AADACL2: variants seen among roughly 807,000 people sequenced by gnomAD.
AADACL2 encodes arylacetamide deacetylase-like 2.
Under a neutral mutation model 22.3 loss-of-function variants are expected in AADACL2, and 23 were observed. That is an observed-to-expected ratio of 1.03 (90% CI 0.74 to 1.46). The LOEUF (loss-of-function observed/expected upper bound fraction) is 1.46, where lower values mean the gene tolerates loss of function less well. AADACL2 is among the 40% of genes most tolerant of loss of function. AADACL2 has a pLI of 0.00. For synonymous variants in AADACL2, 177 were observed against 166.2 expected (o/e 1.07, Z -0.50); for missense variants, 472 against 482.9 (o/e 0.98, Z 0.21).
chr3:151,739,187 G>T (rs1179740842), intron 1 of AADACL2, among the ~76,000 whole-genome samples: 2 of 152,134 alleles, frequency 1.3e-5, no homozygotes, highest in African/African-American at 4.8e-5. Context: ...TTGTGTGGGG[G>T]TCCTTTTTGT....
intron 2 of AADACL2, among the ~76,000 whole-genome samples, chr3:151,741,904 C>T (rs1560282211): frequency 1.3e-5 from 2 of 152,108 alleles, no homozygotes; most frequent in African/African-American, 4.8e-5. Context: ...ATTTCTAAAA[C>T]TGTGAGAATT....
At chr3:151,753,936 A>T (rs1713775568) in intron 4 of AADACL2, among the ~76,000 whole-genome samples, 1 of 152,124 alleles carries the variant, frequency 6.6e-6, no homozygotes, top group African/African-American at 2.4e-5. Context: ...ATTCTCTAGG[A>T]AAGTGCCATG....
rs936315568 is a variant in AADACL2, at chr3:151,757,670, A to G, written c.*76A>G. ...ATTTTGTGGTTTTGGAGCAAAGAAC[A>G]ATGTCATTTGAGTTATCTAAATCTA... On this transcript the variant is annotated 3_prime_UTR_variant, in exon 5 of 5. Coordinates refer to ENST00000356517, the MANE Select transcript of AADACL2 (RefSeq NM_207365.4). The G allele has an allele frequency of 6.8e-7, 1 of 1,475,302 alleles. No homozygotes were observed. Among genetic ancestry groups the G allele is most frequent in the Non-Finnish European group, 9.1e-7 (1 of 1,099,444 alleles). 91.4% of individuals were successfully genotyped at this position (1,475,302 alleles called of 1,614,324 possible).
At chr3:151,741,391 G>C (rs1263609828) in intron 2 of AADACL2, among the ~76,000 whole-genome samples, 2 of 151,838 alleles carry the variant, frequency 1.3e-5, no homozygotes, top group Non-Finnish European at 2.9e-5. Context: ...ATAAAATCTC[G>C]GTTCCCTACT....
chr3:151,752,331 T>C (rs185927136), intron 4 of AADACL2, among the ~76,000 whole-genome samples: 1 of 152,330 alleles, frequency 6.6e-6, no homozygotes, highest in East Asian at 1.9e-4. Context: ...TATAAAAGGA[T>C]TTTCTCATGG....
rs1429993798 is a variant in AADACL2, at chr3:151,759,725, T to G, written c.*2131T>G. ...TTTCTGGAAGGAACCACAGGTAGACTAGCTTCCATTGCAGTCCCTTACCTC... is the reference window on the plus strand; with the variant it reads ...TTTCTGGAAGGAACCACAGGTAGACGAGCTTCCATTGCAGTCCCTTACCTC... On this transcript the variant is annotated 3_prime_UTR_variant, in exon 5 of 5. Coordinates refer to ENST00000356517, the MANE Select transcript of AADACL2 (RefSeq NM_207365.4). The G allele has an allele frequency of 2.0e-5, 3 of 152,164 alleles. No homozygotes were observed. The East Asian group carries it at 5.8e-4, about 29-fold the overall frequency. 9.4% of individuals were successfully genotyped at this position (152,164 alleles called of 1,614,324 possible).
At chr3:151,754,464 A>G (rs1713801133) in intron 4 of AADACL2, among the ~76,000 whole-genome samples, 1 of 152,202 alleles carries the variant, frequency 6.6e-6, no homozygotes, top group Non-Finnish European at 1.5e-5. Flanking sequence ...GGAGGGGCAG[A>G]GCAAATAATT....
At position 151,757,458 on chromosome 3, in the gene AADACL2, T is replaced by C; in HGVS notation, c.1070T>C (p.Val357Ala). Residue 357 changes from valine to alanine, a missense_variant, in exon 5 of 5, where the codon GTT becomes GCT. Coordinates refer to ENST00000356517, the MANE Select transcript of AADACL2 (RefSeq NM_207365.4). ...GLMYVTRLRNVGVQVVHEHIE... is the reference protein window; with the variant it reads ...GLMYVTRLRNAGVQVVHEHIE... ...ATGTATGTTACAAGACTTCGAAATG[T>C]TGGAGTCCAAGTTGTTCATGAACAT... is the stretch of plus-strand genomic sequence containing the variant. 2 of 1,613,640 alleles carry C rather than the reference T, an allele frequency of 1.2e-6. No homozygotes were observed. Among genetic ancestry groups the C allele is most frequent in the Non-Finnish European group, 1.7e-6 (2 of 1,179,638 alleles).
intron 1 of AADACL2, among the ~76,000 whole-genome samples, chr3:151,734,778 C>T (rs1284197855): frequency 6.6e-6 from 1 of 152,040 alleles, no homozygotes; most frequent in African/African-American, 2.4e-5. Context: ...TATGTACTTC[C>T]ATTGATTCCC....
rs1327701156 is a variant in AADACL2 at position 151,757,141 on chromosome 3, C to T, written c.753C>T (p.Ser251=). The T allele has an allele frequency of 1.9e-6, 3 of 1,613,028 alleles. No individual in the cohort carries two copies. Among genetic ancestry groups the T allele is most frequent in the African/African-American group, 1.3e-5 (1 of 74,724 alleles). Residue 251 remains serine (S), a synonymous_variant, in exon 5 of 5, where the codon AGC becomes AGT. Transcript: ENST00000356517. ...GGGATGTAGCCATAAAACTCGTGAG[C>T]TTATATTTCACCAAGGATGAAGCAC... ...LTRDVAIKLV[S]LYFTKDEALP...
rs978431585 is a variant in AADACL2, at chr3:151,745,800, G to C, written c.603+120G>C. The C allele has an allele frequency of 9.0e-5, 92 of 1,025,024 alleles. No homozygotes were observed. In the African/African-American group the frequency reaches 1.3e-3, roughly 14 times the overall value. The allele number at this position is 1,025,024 out of a possible 1,614,324, so 63.5% of individuals were successfully genotyped here. On this transcript the variant is annotated intron_variant, in intron 4 of 4. Coordinates refer to ENST00000356517, the MANE Select transcript of AADACL2 (RefSeq NM_207365.4). ...GACCATTCTTTCCCATTGAATTACA[G>C]TAGCACTTGAGTAAACATTTATTTA...
At chr3:151,755,566 A>G (rs1389778192) in intron 4 of AADACL2, among the ~76,000 whole-genome samples, 1 of 152,162 alleles carries the variant, frequency 6.6e-6, no homozygotes, top group Non-Finnish European at 1.5e-5. Flanking sequence ...GTGCTTTTCC[A>G]ATATCTTGAA....
rs761593326 is a variant in AADACL2 at position 151,745,684 on chromosome 3, C to T, written c.603+4C>T. ...AGCAACAGCGGTCACTCAACAGGTA[C>T]ATTATATTTGTTTTTATGATAGGAG... On this transcript the variant is annotated splice_donor_region_variant and intron_variant, in intron 4 of 4. Transcript: ENST00000356517. 10 of 1,581,042 alleles carry T rather than the reference C, an allele frequency of 6.3e-6. No individual in the cohort carries two copies. Among genetic ancestry groups the T allele is most frequent in the South Asian group, 2.4e-5 (2 of 84,120 alleles).
At chr3:151,737,960 G>C (rs1001111743) in intron 1 of AADACL2, among the ~76,000 whole-genome samples, 1 of 152,092 alleles carries the variant, frequency 6.6e-6, no homozygotes, top group African/African-American at 2.4e-5. Context: ...TACATTTAAA[G>C]TAAACATTGT....
Position 151,760,910 on chromosome 3 carries a change from T to C in AADACL2, c.*3316T>C, listed in dbSNP as rs534619600. The C allele has an allele frequency of 6.6e-6, 1 of 152,108 alleles. No individual in the cohort carries two copies. Among genetic ancestry groups the C allele is most frequent in the Non-Finnish European group, 1.5e-5 (1 of 68,008 alleles). 9.4% of individuals were successfully genotyped at this position (152,108 alleles called of 1,614,324 possible). A position where few individuals can be genotyped will look rare whatever the true frequency, so the allele number is the denominator to read the frequency against. On this transcript the variant is annotated 3_prime_UTR_variant, in exon 5 of 5. Transcript: ENST00000356517. ...ATCTTCACATGATATTCTCCCGTTG[T>C]ATGTGTTCTTCCCCAATTTTCCCTT...
At chr3:151,737,443 T>C (rs1367487613) in intron 1 of AADACL2, among the ~76,000 whole-genome samples, 1 of 152,060 alleles carries the variant, frequency 6.6e-6, no homozygotes, top group African/African-American at 2.4e-5. Flanking sequence ...ATTCTGTTGA[T>C]TTGTGGTGGA....
intron 4 of AADACL2, among the ~76,000 whole-genome samples, chr3:151,750,447 C>T (rs10513417): frequency 0.19 from 28,864 of 151,962 alleles, 2,841 homozygotes; most frequent in East Asian, 0.27. Context: ...ATGTTCCTAA[C>T]GAATAGTTTG....
chr3:151,758,592 C>T lies in AADACL2; in HGVS notation c.*998C>T, dbSNP rs1455130308. 1 of 152,014 alleles carries T rather than the reference C, an allele frequency of 6.6e-6. No individual in the cohort carries two copies. Among genetic ancestry groups the T allele is most frequent in the African/African-American group, 2.4e-5 (1 of 41,392 alleles). 9.4% of individuals were successfully genotyped at this position (152,014 alleles called of 1,614,324 possible). On this transcript the variant is annotated 3_prime_UTR_variant, in exon 5 of 5. Coordinates refer to ENST00000356517, the MANE Select transcript of AADACL2 (RefSeq NM_207365.4). ...TAAATATGCATTCAATAATGAAGAA[C>T]ATTTGAGTATGGACTAGAAAAGCTT...
At position 151,741,288 on chromosome 3, in the gene AADACL2, A is replaced by G. The variant is rs889540565; in HGVS notation, c.361+420A>G. Among the ~76,000 whole-genome samples, 6 of 152,306 alleles carry G rather than the reference A, an allele frequency of 3.9e-5. No homozygotes were observed. The South Asian group carries it at 6.2e-4, about 16-fold the overall frequency. On this transcript the variant is annotated intron_variant, in intron 2 of 4. Coordinates refer to ENST00000356517, the MANE Select transcript of AADACL2 (RefSeq NM_207365.4). The stretch of plus-strand genomic sequence containing the variant: ...TCAAGTTTGCAGTTACTGATAACAT[A>G]ATAGAAATACTGGTAAGGCTTAGAA...
Sources: allele counts gnomAD v4.1 joint callset (sites outside exome capture counted in the v4.1 genomes callset), GRCh38; gene constraint gnomAD v4.1.1; transcripts MANE v1.5; gene names NCBI Gene and HGNC (gene_info 2026-07-23, HGNC 2026-07-21).